Variants in RSPH14 observed in about 807,000 individuals in gnomAD.
RSPH14 encodes rhabdoid tumor deletion region gene 1.
In RSPH14, 20 loss-of-function variants were observed where a neutral mutation model predicts 26.7. That is an observed-to-expected ratio of 0.75 (90% CI 0.53 to 1.09). The LOEUF (loss-of-function observed/expected upper bound fraction) is 1.09, where lower values mean the gene tolerates loss of function less well. RSPH14 is among the 50% of genes least tolerant of loss of function. The probability of loss-of-function intolerance (pLI) is 0.00; values close to 1 mark genes in which losing one functional copy is unlikely to be tolerated. For missense variants in RSPH14, 449 were observed against 457.2 expected (o/e 0.98, Z 0.16); for synonymous variants, 177 against 189.3 (o/e 0.93, Z 0.53).
chr22:23,162,914 C>CTTT, the RSPH14 span: 376 of 303,562 alleles, frequency 1.2e-3, 1 homozygote, highest in African/African-American at 5.4e-3. Context: ...ATATAAATGA[C>CTTT]TTTTTTTTTT....
chr22:23,150,163 G>A, the RSPH14 span: 1 of 1,604,032 alleles, frequency 6.2e-7, no homozygotes, highest in South Asian at 1.1e-5. Flanking sequence ...GGGTGAGCCT[G>A]CAGGGTGTGG....
At chr22:23,161,499 GA>G in the RSPH14 span, 1 of 1,608,892 alleles carries the variant, frequency 6.2e-7, no homozygotes, top group Non-Finnish European at 8.5e-7. Context: ...CCTCCTTACA[GA>G]AATGGAAGGG....
chr22:23,102,303 G>A (rs541641651), intron 4 of RSPH14, among the ~76,000 whole-genome samples: 1 of 152,314 alleles, frequency 6.6e-6, no homozygotes, highest in East Asian at 1.9e-4. Context: ...CAAGATGGGA[G>A]GGGGATGAGC....
chr22:23,168,468 C>T, the RSPH14 span, among the ~76,000 whole-genome samples: 5 of 151,898 alleles, frequency 3.3e-5, no homozygotes, highest in Non-Finnish European at 5.9e-5. Context: ...CTCCTGGAGA[C>T]TGGGTGGACC....
At position 23,130,059 on chromosome 22, in the gene RSPH14, A is replaced by AAAAG. The variant is rs200720313; in HGVS notation, c.421+3963_421+3966dup. ...GAAGGGAGAGAAAGAAAGAGAAAGAAAAAGAAAGAAAGAAAGAAAGAAAGG... is the reference window on the plus strand; with the variant it reads ...GAAGGGAGAGAAAGAAAGAGAAAGAAAAAGAAAGAAAGAAAGAAAGAAAGAAAGG... On this transcript the variant is annotated intron_variant, in intron 4 of 6. Coordinates refer to ENST00000216036, the MANE Select transcript of RSPH14 (RefSeq NM_014433.3). Among the ~76,000 whole-genome samples, 181 of 131,214 alleles carry AAAAG rather than the reference A, an allele frequency of 1.4e-3. 5 individuals are homozygous for AAAAG. The highest frequency in any genetic ancestry group is 4.5e-3 in the African/African-American group (141 of 31,622). The allele number at this position is 131,214 out of a possible 152,430, so 86.1% of individuals were successfully genotyped here.
At chr22:23,105,184 C>T (rs571730855) in intron 4 of RSPH14, among the ~76,000 whole-genome samples, 2 of 152,190 alleles carry the variant, frequency 1.3e-5, no homozygotes, top group Non-Finnish European at 2.9e-5. Context: ...CACACCTTTT[C>T]CTGGCCTGTG....
rs370342550 is a variant in RSPH14, at chr22:23,126,643, G to C, written c.421+7383C>G. Among the ~76,000 whole-genome samples the C allele has an allele frequency of 1.1e-4, 17 of 152,346 alleles. No homozygotes were observed. In the East Asian group the frequency reaches 2.9e-3, roughly 26 times the overall value. The stretch of plus-strand genomic sequence containing the variant: ...GCGCATGCTGAGCTGGGATGGTCCA[G>C]GAGTCTTAGCCAACGGGAGGTAAGC... On this transcript the variant is annotated intron_variant, in intron 4 of 6. Coordinates refer to ENST00000216036, the MANE Select transcript of RSPH14 (RefSeq NM_014433.3).
At chr22:23,120,043 G>A (rs2069967655) in intron 4 of RSPH14, among the ~76,000 whole-genome samples, 1 of 152,208 alleles carries the variant, frequency 6.6e-6, no homozygotes, top group Admixed American at 6.5e-5. Flanking sequence ...CTCGGGAGAT[G>A]TTTGTCTGTC....
the RSPH14 span, among the ~76,000 whole-genome samples, chr22:23,157,579 G>C: frequency 5.0e-3 from 766 of 152,298 alleles, 7 homozygotes; most frequent in African/African-American, 0.017. Context: ...TTTTAAAACA[G>C]CTGCTCTTGT....
At chr22:23,159,477 C>T in the RSPH14 span, among the ~76,000 whole-genome samples, 1 of 152,236 alleles carries the variant, frequency 6.6e-6, no homozygotes, top group East Asian at 1.9e-4. Flanking sequence ...GCCTGCCTCA[C>T]GGATGGGGGA....
chr22:23,100,512 C>T (rs915771805), intron 4 of RSPH14, among the ~76,000 whole-genome samples: 3 of 152,238 alleles, frequency 2.0e-5, no homozygotes, highest in African/African-American at 4.8e-5. Flanking sequence ...GTGGCAAGTG[C>T]TTGAGCAGCC....
intron 4 of RSPH14, among the ~76,000 whole-genome samples, chr22:23,096,704 T>C (rs1231168701): frequency 6.6e-6 from 1 of 152,190 alleles, no homozygotes; most frequent in Non-Finnish European, 1.5e-5. Flanking sequence ...ATGTGATAGT[T>C]TGGCAAATCC....
intron 4 of RSPH14, among the ~76,000 whole-genome samples, chr22:23,117,071 A>G (rs2069862978): frequency 6.6e-6 from 1 of 152,146 alleles, no homozygotes; most frequent in Non-Finnish European, 1.5e-5. Context: ...TGTCCATGTC[A>G]GGTCCCATCC....
At chr22:23,119,016 G>A (rs757198055) in intron 4 of RSPH14, among the ~76,000 whole-genome samples, 1 of 152,156 alleles carries the variant, frequency 6.6e-6, no homozygotes, top group Admixed American at 6.5e-5. Context: ...GGGCTATGAG[G>A]CCAGGCCCTG....
intron 3 of RSPH14, among the ~76,000 whole-genome samples, chr22:23,136,563 C>G (rs1184194721): frequency 1.4e-5 from 2 of 138,912 alleles, no homozygotes; most frequent in African/African-American, 2.6e-5. Context: ...GTGGGCACAG[C>G]CAGGACCCCT....
chr22:23,176,253 G>C, the RSPH14 span, among the ~76,000 whole-genome samples: 3 of 152,232 alleles, frequency 2.0e-5, no homozygotes, highest in African/African-American at 4.8e-5. Flanking sequence ...TTGGGGAAAA[G>C]CTGGGTGTGG....
At chr22:23,086,712 T>C (rs1414458610) in intron 4 of RSPH14, among the ~76,000 whole-genome samples, 1 of 152,230 alleles carries the variant, frequency 6.6e-6, no homozygotes, top group Non-Finnish European at 1.5e-5. Context: ...GTGAGGACAC[T>C]GGACCATGAC....
intron 4 of RSPH14, among the ~76,000 whole-genome samples, chr22:23,115,876 A>G (rs1038988119): frequency 6.6e-6 from 1 of 152,232 alleles, no homozygotes; most frequent in Non-Finnish European, 1.5e-5. Context: ...CATCTGTGCA[A>G]GGGGAGGGTG....
At chr22:23,085,154 G>T (rs1021914725) in intron 4 of RSPH14, among the ~76,000 whole-genome samples, 2 of 152,186 alleles carry the variant, frequency 1.3e-5, no homozygotes, top group African/African-American at 4.8e-5. Flanking sequence ...TGCTGCATCT[G>T]CGGGGTCAGC....
Sources: gnomAD v4.1 joint callset for allele counts (sites outside exome capture counted in the v4.1 genomes callset) on GRCh38, gnomAD v4.1.1 for gene constraint, MANE v1.5 for transcripts, NCBI Gene and HGNC (gene_info 2026-07-23, HGNC 2026-07-21) for gene names.